Variants in KLHL29 observed in about 807,000 individuals in gnomAD.
KLHL29 encodes the protein kelch like family member 29.
A neutral mutation model predicts 80.4 loss-of-function variants in KLHL29; 21 were observed. The ratio of observed to expected loss-of-function variants is 0.26; its 90% CI spans 0.19 to 0.38. KLHL29 has a LOEUF of 0.38. Ranked by LOEUF, KLHL29 falls within the 10% of genes least tolerant of loss-of-function variation. The pLI is 1.00. For missense variants in KLHL29, 867 were observed against 1,223.9 expected, an observed-to-expected ratio of 0.71 and a Z score of 4.35; for synonymous variants, 511 against 526.8, an observed-to-expected ratio of 0.97 and a Z score of 0.41.
chr2:23,526,929 T>C (rs1666343259), intron 2 of KLHL29, among the ~76,000 whole-genome samples: 1 of 152,114 alleles, frequency 6.6e-6, no homozygotes, highest in Admixed American at 6.5e-5. Flanking sequence ...CCAGTATAGC[T>C]CTGGGTAACA....
intron 3 of KLHL29, among the ~76,000 whole-genome samples, chr2:23,627,694 C>G (rs1416994048): frequency 6.7e-6 from 1 of 149,682 alleles, no homozygotes; most frequent in Non-Finnish European, 1.5e-5. Flanking sequence ...TGTTAGGTGT[C>G]TAATAAGGTC....
intron 1 of KLHL29, among the ~76,000 whole-genome samples, chr2:23,416,456 G>A (rs778127447): frequency 1.3e-5 from 2 of 152,198 alleles, no homozygotes; most frequent in East Asian, 1.9e-4. Flanking sequence ...GGTCACCAGG[G>A]CAGTGAGTTG....
At chr2:23,622,412 C>T (rs1364051076) in intron 3 of KLHL29, among the ~76,000 whole-genome samples, 2 of 152,242 alleles carry the variant, frequency 1.3e-5, no homozygotes, top group African/African-American at 4.8e-5. Context: ...CTCTGAGTTG[C>T]ACCTGTTTTC....
At chr2:23,404,360 A>T (rs1226750609) in intron 1 of KLHL29, among the ~76,000 whole-genome samples, 5 of 152,248 alleles carry the variant, frequency 3.3e-5, no homozygotes, top group Admixed American at 2.0e-4. Flanking sequence ...TAAGATAATC[A>T]GAACTTGCAT....
chr2:23,479,310 T>C (rs1227624677), intron 2 of KLHL29, among the ~76,000 whole-genome samples: 1 of 151,956 alleles, frequency 6.6e-6, no homozygotes, highest in African/African-American at 2.4e-5. Flanking sequence ...CAGGCATCAT[T>C]TGGGATTCTG....
chr2:23,466,146 C>T (rs890686823), intron 1 of KLHL29, among the ~76,000 whole-genome samples: 6 of 152,146 alleles, frequency 3.9e-5, no homozygotes, highest in African/African-American at 1.2e-4. Context: ...TGATGGATTA[C>T]TTGCACCATT....
chr2:23,511,992 G>A (rs1572367581), intron 2 of KLHL29, among the ~76,000 whole-genome samples: 1 of 152,282 alleles, frequency 6.6e-6, no homozygotes, highest in South Asian at 2.1e-4. Flanking sequence ...AGACCACACA[G>A]AGATAAATAT....
At chr2:23,574,341 A>T (rs1450495533) in intron 3 of KLHL29, among the ~76,000 whole-genome samples, 1 of 152,114 alleles carries the variant, frequency 6.6e-6, no homozygotes, top group Non-Finnish European at 1.5e-5. Flanking sequence ...CCATGTTCGT[A>T]CTTGACCGGC....
At chr2:23,547,927 A>G (rs905616866) in intron 2 of KLHL29, among the ~76,000 whole-genome samples, 1 of 152,178 alleles carries the variant, frequency 6.6e-6, no homozygotes, top group Non-Finnish European at 1.5e-5. Context: ...GAGTAAGGCC[A>G]CCAGCAATAC....
intron 2 of KLHL29, among the ~76,000 whole-genome samples, chr2:23,482,273 A>G (rs568804686): frequency 6.6e-6 from 1 of 152,182 alleles, no homozygotes; most frequent in Non-Finnish European, 1.5e-5. Flanking sequence ...GGCTAGAAAT[A>G]GCTTCTCCAC....
intron 3 of KLHL29, among the ~76,000 whole-genome samples, chr2:23,613,689 G>A (rs999952820): frequency 2.0e-5 from 3 of 147,722 alleles, no homozygotes; most frequent in South Asian, 2.2e-4. Context: ...GTTTGAACCC[G>A]GGAGGTGGAG....
At chr2:23,417,501 C>G (rs1485282277) in intron 1 of KLHL29, among the ~76,000 whole-genome samples, 1 of 152,200 alleles carries the variant, frequency 6.6e-6, no homozygotes, top group Admixed American at 6.5e-5. Context: ...TGTCTTGATC[C>G]TGGCAACAGT....
intron 1 of KLHL29, among the ~76,000 whole-genome samples, chr2:23,426,156 G>A (rs532689457): frequency 2.6e-5 from 4 of 152,278 alleles, no homozygotes; most frequent in African/African-American, 9.6e-5. Context: ...GAAGCGGGGA[G>A]GAGGGGATGA....
At chr2:23,595,018 G>A (rs1233206672) in intron 3 of KLHL29, among the ~76,000 whole-genome samples, 1 of 152,150 alleles carries the variant, frequency 6.6e-6, no homozygotes, top group East Asian at 1.9e-4. Context: ...TGAAGATTTA[G>A]TATTCGTGTG....
At chr2:23,554,804 G>C (rs1407027897) in intron 2 of KLHL29, among the ~76,000 whole-genome samples, 1 of 152,174 alleles carries the variant, frequency 6.6e-6, no homozygotes, top group Non-Finnish European at 1.5e-5. Context: ...ATTTACTCAT[G>C]AATTATTCAT....
At chr2:23,689,485 T>C (rs993913737) in intron 6 of KLHL29, 3 of 152,504 alleles carry the variant, frequency 2.0e-5, no homozygotes, top group Non-Finnish European at 2.9e-5. Flanking sequence ...ACCGGGGGAC[T>C]TCACGGCTCT....
At position 23,700,639 on chromosome 2, in the gene KLHL29, C is replaced by CT. The variant is rs2149221332; in HGVS notation, c.2106-2546dup. On this transcript the variant is annotated intron_variant, in intron 11 of 13. Coordinates refer to ENST00000486442, the MANE Select transcript of KLHL29 (RefSeq NM_052920.2). This position sits in a 1 kb window ranked among gnomAD's most constrained non-coding sequence, Gnocchi z 4.6. ...ATTCATCAGCATTCCATTGACCCCT[C>CT]TCAGCTCCGGATTCTTTTCTAGGTC... Among the ~76,000 whole-genome samples, 1 of 152,370 alleles carries CT rather than the reference C, an allele frequency of 6.6e-6. No homozygotes were observed. The highest frequency in any genetic ancestry group is 2.1e-4 in the South Asian group (1 of 4,832).
intron 2 of KLHL29, among the ~76,000 whole-genome samples, chr2:23,547,157 G>A (rs1326405196): frequency 6.6e-6 from 1 of 152,196 alleles, no homozygotes; most frequent in African/African-American, 2.4e-5. Flanking sequence ...ACATCACTCT[G>A]CTCACACCTT....
intron 2 of KLHL29, among the ~76,000 whole-genome samples, chr2:23,548,572 T>G (rs1667041146): frequency 6.6e-6 from 1 of 152,182 alleles, no homozygotes; most frequent in Non-Finnish European, 1.5e-5. Context: ...AGAGCCAGTG[T>G]GCGATGCGCC....
Sources: gnomAD v4.1 joint callset for allele counts (sites outside exome capture counted in the v4.1 genomes callset) on GRCh38, gnomAD v4.1.1 for gene constraint, Gnocchi (gnomAD v3.1) non-coding constraint, MANE v1.5 for transcripts, NCBI Gene and HGNC (gene_info 2026-07-23, HGNC 2026-07-21) for gene names.